The following GFRA1 variants were observed in gnomAD, a reference collection of about 807,000 sequenced individuals.
GFRA1 encodes GDNF family receptor alpha-1.
Under a neutral mutation model 51.6 loss-of-function variants are expected in GFRA1, and 16 were observed. The observed-to-expected ratio is 0.31, with a 90% CI of 0.21 to 0.47. The LOEUF (loss-of-function observed/expected upper bound fraction) is 0.47. Among genes scored for constraint, GFRA1 ranks in the 20% least tolerant of loss-of-function variants. GFRA1 has a pLI of 1.00. For synonymous variants in GFRA1, 270 were observed against 241.3 expected (o/e 1.12, Z -1.10); for missense variants, 530 against 594.3 (o/e 0.89, Z 1.13).
intron 9 of GFRA1, among the ~76,000 whole-genome samples, chr10:116,080,160 A>G (rs2133830542): frequency 6.6e-6 from 1 of 152,302 alleles, no homozygotes; most frequent in Non-Finnish European, 1.5e-5. Flanking sequence ...AAAAACTTAC[A>G]TAGTACCATT....
intron 5 of GFRA1, among the ~76,000 whole-genome samples, chr10:116,190,877 G>T (rs2134321810): frequency 6.6e-6 from 1 of 152,320 alleles, no homozygotes; most frequent in African/African-American, 2.4e-5. Flanking sequence ...ACAATCCAGA[G>T]AATTATTTTG....
rs953654850 is a variant in GFRA1, at chr10:116,060,478, G to T, written c.*3920C>A. 3.9e-5 allele frequency: 6 copies of T among 152,232 alleles called. No homozygotes were observed. Among genetic ancestry groups the T allele is most frequent in the African/African-American group, 1.4e-4 (6 of 41,458 alleles). The allele number at this position is 152,232 out of a possible 1,614,324, so 9.4% of individuals were successfully genotyped here. A position where few individuals can be genotyped will look rare whatever the true frequency, so the allele number is the denominator to read the frequency against. On this transcript the variant is annotated 3_prime_UTR_variant, in exon 11 of 11. Transcript: ENST00000355422. ...AGTAAGGAACATCAGCGGACTCTCA[G>T]ATCCATTCACCCTTGGAACATGGCC... is the stretch of plus-strand genomic sequence containing the variant.
In GFRA1 at chr10:116,272,684, C is replaced by G. The variant is rs1374392445; in HGVS notation, c.-246-409G>C. Reference sequence around the variant, plus strand: ...CCTTCTCCCGGGAAGTTGGCCTCCCCCTCCTCGCGTCAGCCAGCGAGCTCG... The same window carrying G: ...CCTTCTCCCGGGAAGTTGGCCTCCCGCTCCTCGCGTCAGCCAGCGAGCTCG... On this transcript the variant is annotated intron_variant, in intron 1 of 10. Coordinates refer to ENST00000355422, the MANE Select transcript of GFRA1 (RefSeq NM_005264.8). The surrounding 1 kb of genome is among the most constrained non-coding windows in gnomAD (Gnocchi z 4.4). 2 of 152,648 alleles carry G rather than the reference C, an allele frequency of 1.3e-5. No homozygotes were observed. Among genetic ancestry groups the G allele is most frequent in the Admixed American group, 6.5e-5 (1 of 15,306 alleles). The allele number at this position is 152,648 out of a possible 1,614,324, so 9.5% of individuals were successfully genotyped here. A position where few individuals can be genotyped will look rare whatever the true frequency, so the allele number is the denominator to read the frequency against.
intron 6 of GFRA1, among the ~76,000 whole-genome samples, chr10:116,107,147 TATACTC>T (rs1957037736): frequency 6.6e-6 from 1 of 152,202 alleles, no homozygotes; most frequent in African/African-American, 2.4e-5. Context: ...ACACACCTAA[TATACTC>T]AGGCTGAATG....
At chr10:116,072,948 C>T (rs1955467518) in intron 9 of GFRA1, among the ~76,000 whole-genome samples, 1 of 152,116 alleles carries the variant, frequency 6.6e-6, no homozygotes, top group Non-Finnish European at 1.5e-5. Flanking sequence ...TGGACAATCT[C>T]TTAGCCTCTC....
chr10:116,112,490 T>A (rs1484743210), intron 6 of GFRA1, among the ~76,000 whole-genome samples: 3 of 152,140 alleles, frequency 2.0e-5, no homozygotes, highest in African/African-American at 7.2e-5. Context: ...CAGCCAGCAT[T>A]CTAAGCACCA....
intron 5 of GFRA1, among the ~76,000 whole-genome samples, chr10:116,195,219 G>C (rs558420679): frequency 6.6e-6 from 1 of 152,244 alleles, no homozygotes; most frequent in South Asian, 2.1e-4. Flanking sequence ...AACTCCCTTT[G>C]TTTTAAATTG....
chr10:116,161,951 T>C (rs1959852433), intron 5 of GFRA1, among the ~76,000 whole-genome samples: 1 of 152,240 alleles, frequency 6.6e-6, no homozygotes, highest in Admixed American at 6.5e-5. Context: ...TTTACAGCCA[T>C]TTATAACATT....
At chr10:116,099,328 G>A (rs1956726866) in intron 6 of GFRA1, among the ~76,000 whole-genome samples, 1 of 152,146 alleles carries the variant, frequency 6.6e-6, no homozygotes, top group African/African-American at 2.4e-5. Context: ...TTGGAGCACT[G>A]GTTGTTAAAT....
chr10:116,243,557 G>GTT (rs567430536), intron 4 of GFRA1, among the ~76,000 whole-genome samples: 121 of 131,794 alleles, frequency 9.2e-4, no homozygotes, highest in African/African-American at 3.1e-3. Context: ...AAAAGGGTTT[G>GTT]GTTTTTTTTT....
At position 116,204,643 on chromosome 10, in the gene GFRA1, G is replaced by A. The variant is rs557447007; in HGVS notation, c.433+6988C>T. Among the ~76,000 whole-genome samples, 4 of 152,298 alleles carry A rather than the reference G, an allele frequency of 2.6e-5. No individual in the cohort carries two copies. The East Asian group carries it at 7.7e-4, about 29-fold the overall frequency. ...AGGAATATGTCAAAGGGGCATAGAAGCCAGCTGAAAGAGCTCCAAGTGGCC... is the reference window on the plus strand; with the variant it reads ...AGGAATATGTCAAAGGGGCATAGAAACCAGCTGAAAGAGCTCCAAGTGGCC... On this transcript the variant is annotated intron_variant, in intron 5 of 10. Coordinates refer to ENST00000355422, the MANE Select transcript of GFRA1 (RefSeq NM_005264.8).
At chr10:116,221,420 C>A (rs1427905935) in intron 4 of GFRA1, among the ~76,000 whole-genome samples, 2 of 152,144 alleles carry the variant, frequency 1.3e-5, no homozygotes, top group Non-Finnish European at 2.9e-5. Flanking sequence ...GAAGAGAATT[C>A]ACGTTCATAC....
intron 5 of GFRA1, among the ~76,000 whole-genome samples, chr10:116,131,034 C>T (rs1041048738): frequency 6.6e-6 from 1 of 152,096 alleles, no homozygotes; most frequent in Non-Finnish European, 1.5e-5. Flanking sequence ...TGACAAAGGA[C>T]TGGTATCTAA....
At chr10:116,064,823 G>C (rs951850485) in intron 10 of GFRA1, among the ~76,000 whole-genome samples, 1 of 152,168 alleles carries the variant, frequency 6.6e-6, no homozygotes, top group Non-Finnish European at 1.5e-5. Flanking sequence ...GAAGATATCT[G>C]AGTTCAGGTA....
At chr10:116,196,651 T>TATATAGTACTATATATAATATATATA (rs564447876) in intron 5 of GFRA1, among the ~76,000 whole-genome samples, 2 of 3,638 alleles carry the variant, frequency 5.5e-4, no homozygotes, top group African/African-American at 1.3e-3. Flanking sequence ...ATATATAATA[T>TATATAGTACTATATATAATATATATA]ATATATAGTA....
chr10:116,222,272 C>T (rs571620594), intron 4 of GFRA1, among the ~76,000 whole-genome samples: 1 of 152,232 alleles, frequency 6.6e-6, no homozygotes, highest in East Asian at 1.9e-4. Flanking sequence ...GATCTCGGCT[C>T]ACTGCAACCT....
intron 5 of GFRA1, among the ~76,000 whole-genome samples, chr10:116,166,594 A>T (rs1960435814): frequency 6.6e-6 from 1 of 151,844 alleles, no homozygotes; most frequent in South Asian, 2.1e-4. Flanking sequence ...TGTGACCCTG[A>T]CCCTCGGTCT....
rs572063525 is a variant in GFRA1, at chr10:116,220,048, G to A, written c.419-8403C>T. Among the ~76,000 whole-genome samples, 5 of 152,084 alleles carry A rather than the reference G, an allele frequency of 3.3e-5. No individual in the cohort carries two copies. In the South Asian group the frequency reaches 1.0e-3, roughly 32 times the overall value. On this transcript the variant is annotated intron_variant, in intron 4 of 10. Coordinates refer to ENST00000355422, the MANE Select transcript of GFRA1 (RefSeq NM_005264.8). Reference sequence around the variant, plus strand: ...TAAAATTACACACATTGTATCAAATGGACTCTTACTGCACATAGCTTATTT... The same window carrying A: ...TAAAATTACACACATTGTATCAAATAGACTCTTACTGCACATAGCTTATTT...
At chr10:116,244,526 T>C (rs1416483539) in intron 4 of GFRA1, among the ~76,000 whole-genome samples, 5 of 148,666 alleles carry the variant, frequency 3.4e-5, no homozygotes, top group Non-Finnish European at 7.4e-5. Flanking sequence ...ATATATAAAG[T>C]TCCTATAAAA....
Sources: gnomAD v4.1 joint callset for allele counts (sites outside exome capture counted in the v4.1 genomes callset) on GRCh38, gnomAD v4.1.1 for gene constraint, Gnocchi (gnomAD v3.1) non-coding constraint, MANE v1.5 for transcripts, NCBI Gene and HGNC (gene_info 2026-07-23, HGNC 2026-07-21) for gene names.